Variants in SEMA6A observed in about 807,000 individuals in gnomAD.
The protein encoded by SEMA6A is semaphorin 6A, also known as semaphorin-6A.
Under a neutral mutation model 96.8 loss-of-function variants are expected in SEMA6A, and 25 were observed. That is an observed-to-expected ratio of 0.26 (90% CI 0.19 to 0.36). The LOEUF is 0.36. SEMA6A is among the 10% of genes least tolerant of loss of function. The pLI is 1.00. For missense variants in SEMA6A, 1,363 were observed against 1,323.1 expected (o/e 1.03, Z -0.47); for synonymous variants, 612 against 518.0 (o/e 1.18, Z -2.46).
At chr5:116,489,123 T>G in intron 7 of SEMA6A, 116 bp from the exon 8 acceptor site, 1 of 1,189,636 alleles carries the variant, frequency 8.4e-7, no homozygotes, top group Non-Finnish European at 1.1e-6. Context: ...ATAGCACAAC[T>G]GGGAAAAATC....
At chr5:116,496,129 A>C (rs1757589006) in intron 5 of SEMA6A, 122 bp downstream of exon 5, 1 of 823,300 alleles carries the variant, frequency 1.2e-6, no homozygotes, top group Admixed American at 2.5e-5. Context: ...TTGATGAAAA[A>C]AGCAATTACT....
intron 3 of SEMA6A, among the ~76,000 whole-genome samples, chr5:116,500,875 G>C (rs1407034420): frequency 6.6e-6 from 1 of 151,996 alleles, no homozygotes; most frequent in Non-Finnish European, 1.5e-5. Flanking sequence ...GCGTGGTGGC[G>C]GGCACCTGTA....
intron 13 of SEMA6A, 194 bp from the exon 14 acceptor site, chr5:116,478,348 G>C: frequency 1.3e-6 from 1 of 761,982 alleles, no homozygotes; most frequent in South Asian, 1.9e-5. Context: ...ACACATATAT[G>C]TATCTATATA....
At chr5:116,457,723 G>A (rs1046483626) in intron 18 of SEMA6A, among the ~76,000 whole-genome samples, 6 of 152,038 alleles carry the variant, frequency 3.9e-5, no homozygotes, top group Admixed American at 3.3e-4. Context: ...ACTACATTTC[G>A]GTAGTATACT....
At chr5:116,547,734 T>TAAAA (rs34908253) in intron 1 of SEMA6A, among the ~76,000 whole-genome samples, 51 of 65,554 alleles carry the variant, frequency 7.8e-4, no homozygotes, top group Middle Eastern at 0.012. Flanking sequence ...ATCTGATACT[T>TAAAA]AAAAAAAAAA....
rs577466352 is a variant in SEMA6A at position 116,485,060 on chromosome 5, A to C, written c.962+1689T>G. 1.6e-4 allele frequency among the ~76,000 whole-genome samples: 25 copies of C among 152,314 alleles called. No individual in the cohort carries two copies. In the East Asian group the frequency reaches 4.4e-3, roughly 27 times the overall value. ...TAGAGGGATGAAACCAGAGAAAGTG[A>C]AAACAGAGGGACTATAATTTATAGA... On this transcript the variant is annotated intron_variant, in intron 10 of 18. Coordinates refer to ENST00000343348, the MANE Select transcript of SEMA6A (RefSeq NM_020796.5).
At chr5:116,573,421 CT>C (rs1323607511) in intron 1 of SEMA6A, among the ~76,000 whole-genome samples, 1 of 151,144 alleles carries the variant, frequency 6.6e-6, no homozygotes, top group East Asian at 1.9e-4. Flanking sequence ...GGGCTATATC[CT>C]TGCCGCTCGG....
intron 1 of SEMA6A, among the ~76,000 whole-genome samples, chr5:116,545,531 T>C (rs1272197711): frequency 3.3e-5 from 5 of 151,972 alleles, no homozygotes; most frequent in Admixed American, 2.6e-4. Flanking sequence ...GATTGCGCCA[T>C]TGCACTCCAG....
chr5:116,470,662 G>C (rs1463939951), intron 17 of SEMA6A, among the ~76,000 whole-genome samples: 1 of 152,118 alleles, frequency 6.6e-6, no homozygotes, highest in African/African-American at 2.4e-5. Context: ...AGGGATTCTT[G>C]CATATGTAAC....
At chr5:116,542,415 C>A (rs957993764) in intron 1 of SEMA6A, among the ~76,000 whole-genome samples, 1 of 152,168 alleles carries the variant, frequency 6.6e-6, no homozygotes, top group Admixed American at 6.5e-5. Context: ...CGACCTTTTA[C>A]AGGCATATAT....
rs373239771 is a variant in SEMA6A at position 116,450,300 on chromosome 5, C to G, written c.1895-2489G>C. Among the ~76,000 whole-genome samples the G allele has an allele frequency of 9.9e-5, 15 of 152,184 alleles. No individual in the cohort carries two copies. The East Asian group carries it at 2.5e-3, about 26-fold the overall frequency. ...CATGGCAATGAGTATTTCATGAAAC[C>G]CTTCCAGGCTACCAAATTTAGGGGG... On this transcript the variant is annotated intron_variant, in intron 18 of 18. Coordinates refer to ENST00000343348, the MANE Select transcript of SEMA6A (RefSeq NM_020796.5).
chr5:116,477,877 C>T lies in SEMA6A; in HGVS notation c.1618G>A (p.Gly540Ser), dbSNP rs763552032. Residue 540 changes from glycine (G) to serine (S), a missense_variant, in exon 15 of 19, where the codon GGT becomes AGT. Around this residue, in one of 2 missense-constraint regions of SEMA6A, gnomAD observed 883 missense variants for 763.6 expected, o/e 1.16. Coordinates refer to ENST00000343348, the MANE Select transcript of SEMA6A (RefSeq NM_020796.5). ...TTGGGTGATAAATGGCTGCAGGCACCACCTTCCTTTATCCATCCACAATAT... is the reference window on the plus strand; with the variant it reads ...TTGGGTGATAAATGGCTGCAGGCACTACCTTCCTTTATCCATCCACAATAT... The part of the protein sequence containing the change: ...DPYCGWIKEG[G>S]ACSHLSPNSR... The T allele has an allele frequency of 6.2e-7, 1 of 1,613,972 alleles. No homozygotes were observed. Among genetic ancestry groups the T allele is most frequent in the East Asian group, 2.2e-5 (1 of 44,882 alleles).
intron 1 of SEMA6A, among the ~76,000 whole-genome samples, chr5:116,511,623 G>T (rs547651304): frequency 1.3e-5 from 2 of 152,308 alleles, no homozygotes; most frequent in African/African-American, 4.8e-5. Context: ...TAATGGCTTC[G>T]GTGATAAAAA....
intron 10 of SEMA6A, among the ~76,000 whole-genome samples, chr5:116,484,098 T>G (rs1326156783): frequency 6.6e-6 from 1 of 150,684 alleles, no homozygotes. Context: ...ACAGTGATTC[T>G]CATTTGTTTT....
intron 1 of SEMA6A, among the ~76,000 whole-genome samples, chr5:116,520,845 A>G (rs1758912630): frequency 6.6e-6 from 1 of 152,244 alleles, no homozygotes; most frequent in Admixed American, 6.5e-5. Context: ...ATCCTCTGAC[A>G]AGTCTTTCCT....
chr5:116,542,514 A>G (rs17140072), intron 1 of SEMA6A, among the ~76,000 whole-genome samples: 7,251 of 152,158 alleles, frequency 0.048, 578 homozygotes, highest in African/African-American at 0.16. Flanking sequence ...CTTCCCTGTC[A>G]TTTACTTTAG....
At chr5:116,508,566 C>T (rs1258763060) in intron 1 of SEMA6A, among the ~76,000 whole-genome samples, 3 of 152,134 alleles carry the variant, frequency 2.0e-5, no homozygotes, top group Non-Finnish European at 4.4e-5. Flanking sequence ...GAAAATTCTA[C>T]GGGGGCTCAC....
At chr5:116,569,261 G>A (rs1267163629) in intron 1 of SEMA6A, among the ~76,000 whole-genome samples, 2 of 152,184 alleles carry the variant, frequency 1.3e-5, no homozygotes, top group Non-Finnish European at 2.9e-5. Flanking sequence ...GAGACCTGAA[G>A]AATATGAGAA....
chr5:116,548,587 T>A (rs1453543861), intron 1 of SEMA6A, among the ~76,000 whole-genome samples: 1 of 152,190 alleles, frequency 6.6e-6, no homozygotes, highest in African/African-American at 2.4e-5. Flanking sequence ...CATTTTTCAT[T>A]GATATAGCTT....
Sources: allele counts gnomAD v4.1 joint callset (sites outside exome capture counted in the v4.1 genomes callset), GRCh38; gene constraint gnomAD v4.1.1; regional missense constraint gnomAD v4.1.1; transcripts MANE v1.5; gene names NCBI Gene and HGNC (gene_info 2026-07-23, HGNC 2026-07-21).